ARL17B: variants seen among roughly 807,000 people sequenced by gnomAD.
The protein encoded by ARL17B is ADP-ribosylation factor-like protein 17.
At chr17:46,281,677 ACTGTCACCCAGG>A (rs1380838981) in intron 4 of ARL17B, among the ~76,000 whole-genome samples, 2 of 152,048 alleles carry the variant, frequency 1.3e-5, no homozygotes, top group Admixed American at 1.3e-4. Flanking sequence ...TGAGAGTCTC[ACTGTCACCCAGG>A]CTGGAGTGCA....
At chr17:46,279,832 G>A (rs80296410) in intron 4 of ARL17B, among the ~76,000 whole-genome samples, 17,338 of 150,314 alleles carry the variant, frequency 0.12, no homozygotes, top group Non-Finnish European at 0.17. Flanking sequence ...TTTTAGTGGC[G>A]TTTCTAATTG....
chr17:46,290,126 A>G (rs1339235208), intron 4 of ARL17B, among the ~76,000 whole-genome samples: 1 of 152,270 alleles, frequency 6.6e-6, no homozygotes, highest in Non-Finnish European at 1.5e-5. Context: ...CTTAAAACAA[A>G]ACAAAACAAA....
At chr17:46,278,255 T>C (rs1319403914) in intron 4 of ARL17B, among the ~76,000 whole-genome samples, 6 of 152,206 alleles carry the variant, frequency 3.9e-5, no homozygotes, top group Admixed American at 3.9e-4. Flanking sequence ...CTGGGTAGCT[T>C]TCTTATACTG....
chr17:46,312,123 G>C (rs1474132606), intron 3 of ARL17B, among the ~76,000 whole-genome samples: 3 of 32,524 alleles, frequency 9.2e-5, no homozygotes, highest in African/African-American at 1.7e-4. Context: ...CATATCATTT[G>C]GTTTGTGGAA....
intron 4 of ARL17B, among the ~76,000 whole-genome samples, chr17:46,289,258 C>T (rs566346873): frequency 1.3e-5 from 2 of 151,072 alleles, no homozygotes; most frequent in Admixed American, 6.6e-5. Flanking sequence ...ACACGGCTTG[C>T]TATAGCCTTG....
intron 3 of ARL17B, among the ~76,000 whole-genome samples, chr17:46,340,341 T>G (rs1598201514): frequency 1.6e-5 from 1 of 63,816 alleles, no homozygotes; most frequent in East Asian, 2.8e-4. Context: ...TCAGCCTCCC[T>G]AGTAGCTGGG....
At chr17:46,298,663 G>A (rs2050236367), downstream of ARL17B, among the ~76,000 whole-genome samples, 2 of 92,976 alleles carry the variant, frequency 2.2e-5, no homozygotes, top group Non-Finnish European at 4.7e-5. Context: ...GGCAGAGCTT[G>A]CAGTGAGCCG....
At position 46,289,701 on chromosome 17, in the gene ARL17B, G is replaced by A. The variant is rs554963370; in HGVS notation, c.*21+9825C>T. On this transcript the variant is annotated intron_variant, in intron 4 of 4. Coordinates refer to the ARL17B transcript ENST00000570618. Reference sequence around the variant, plus strand: ...TAAATACCAAAAATATTCCCAAAACGTTTCATCATGATTATTTTTCTTCCT... The same window carrying A: ...TAAATACCAAAAATATTCCCAAAACATTTCATCATGATTATTTTTCTTCCT... Among the ~76,000 whole-genome samples the A allele has an allele frequency of 9.9e-5, 15 of 152,070 alleles. 1 individual carries two copies. Among genetic ancestry groups the A allele is most frequent in the African/African-American group, 3.4e-4 (14 of 41,424 alleles).
downstream of ARL17B, chr17:46,330,897 C>A (rs1269800485): frequency 4.1e-6 from 3 of 724,846 alleles, 1 homozygote; most frequent in Non-Finnish European, 4.1e-6. Context: ...AAAAGGCTCA[C>A]GAGTCCAGCC....
At chr17:46,289,956 TA>T (rs1482162118) in intron 4 of ARL17B, among the ~76,000 whole-genome samples, 5 of 152,152 alleles carry the variant, frequency 3.3e-5, no homozygotes, top group Non-Finnish European at 7.3e-5. Context: ...CCATCTCTAC[TA>T]AAAATACAAA....
intron 4 of ARL17B, among the ~76,000 whole-genome samples, chr17:46,281,869 C>A (rs1216376261): frequency 6.6e-6 from 1 of 152,164 alleles, no homozygotes; most frequent in Non-Finnish European, 1.5e-5. Flanking sequence ...GTCTCAAACT[C>A]CTGACCTCAG....
At chr17:46,280,400 G>A (rs575342085) in intron 4 of ARL17B, among the ~76,000 whole-genome samples, 3 of 152,230 alleles carry the variant, frequency 2.0e-5, no homozygotes, top group Non-Finnish European at 4.4e-5. Context: ...CTAGCCCAGT[G>A]CAGTGGCTCA....
rs539511876 is a variant in ARL17B, at chr17:46,327,999, A to T, written c.259+24821T>A. On this transcript the variant is annotated intron_variant, in intron 3 of 4. Transcript: ENST00000434041. The stretch of plus-strand genomic sequence containing the variant: ...TTTTTAATGCCCAGAGTAATTTATA[A>T]TATTTCCCACTCCCAACAGGAATTG... Among the ~76,000 whole-genome samples the T allele has an allele frequency of 6.4e-5, 4 of 62,858 alleles. 1 individual carries two copies. The highest frequency in any genetic ancestry group is 1.4e-4 in the African/African-American group (4 of 28,490). The allele number at this position is 62,858 out of a possible 152,430, so 41.2% of individuals were successfully genotyped here. A position where few individuals can be genotyped will look rare whatever the true frequency, so the allele number is the denominator to read the frequency against.
chr17:46,285,304 G>A (rs2532306), intron 4 of ARL17B, among the ~76,000 whole-genome samples: 10 of 148,716 alleles, frequency 6.7e-5, no homozygotes, highest in African/African-American at 2.5e-4. Flanking sequence ...GCCATGGCTC[G>A]ATCTTGGCTC....
intron 3 of ARL17B, among the ~76,000 whole-genome samples, chr17:46,305,128 G>A (rs1334220437): frequency 8.0e-5 from 7 of 87,074 alleles, no homozygotes; most frequent in South Asian, 3.6e-4. Context: ...CTCGGCCTCC[G>A]AAAGTGCTGG....
chr17:46,277,372 C>T (rs1038533542), intron 4 of ARL17B, among the ~76,000 whole-genome samples: 6 of 152,188 alleles, frequency 3.9e-5, no homozygotes, highest in African/African-American at 1.4e-4. Flanking sequence ...ATCCTCTGGG[C>T]TCTGCCAGCA....
intron 4 of ARL17B, among the ~76,000 whole-genome samples, chr17:46,278,517 C>G (rs1341573875): frequency 1.3e-5 from 2 of 151,768 alleles, no homozygotes; most frequent in South Asian, 4.1e-4. Context: ...CGATTTTCCA[C>G]CTCAGCCTCC....
At chr17:46,294,411 C>CACAG (rs1346893449), downstream of ARL17B, among the ~76,000 whole-genome samples, 5 of 14,630 alleles carry the variant, frequency 3.4e-4, no homozygotes, top group African/African-American at 5.2e-4. Flanking sequence ...CATGTGTGCA[C>CACAG]ACAGGGTAGA....
chr17:46,285,147 G>C (rs1375450695), intron 4 of ARL17B, among the ~76,000 whole-genome samples: 1 of 152,142 alleles, frequency 6.6e-6, no homozygotes, highest in African/African-American at 2.4e-5. Context: ...GGGATTATAG[G>C]TGTGAGCAAC....
Sources: gnomAD v4.1 joint callset for allele counts (sites outside exome capture counted in the v4.1 genomes callset) on GRCh38, gnomAD v4.1.1 for gene constraint, MANE v1.5 for transcripts, NCBI Gene and HGNC (gene_info 2026-07-23, HGNC 2026-07-21) for gene names.